SHISA9: variants seen among roughly 807,000 people sequenced by gnomAD.
The protein encoded by SHISA9 is protein shisa-9.
Under a neutral mutation model 38.0 loss-of-function variants are expected in SHISA9, and 13 were observed. The ratio of observed to expected loss-of-function variants is 0.34; its 90% confidence interval spans 0.22 to 0.54. The LOEUF (loss-of-function observed/expected upper bound fraction) is 0.54. Ranked by LOEUF, SHISA9 falls within the 20% of genes least tolerant of loss-of-function variation. SHISA9 has a pLI of 0.91. For missense variants in SHISA9, 538 were observed against 575.8 expected, an observed-to-expected ratio of 0.93 and a Z score of 0.67; for synonymous variants, 275 against 242.0, an observed-to-expected ratio of 1.14 and a Z score of -1.27.
chr16:13,092,850 G>A (rs983191162), intron 2 of SHISA9, among the ~76,000 whole-genome samples: 1 of 152,176 alleles, frequency 6.6e-6, no homozygotes, highest in African/African-American at 2.4e-5. Flanking sequence ...CAGTCCCAGT[G>A]AGACGAACCA....
intron 2 of SHISA9, among the ~76,000 whole-genome samples, chr16:13,117,771 C>G (rs2141974104): frequency 6.6e-6 from 1 of 152,298 alleles, no homozygotes; most frequent in African/African-American, 2.4e-5. Flanking sequence ...CTGTTTTAAG[C>G]CACTCAGTTT....
intron 2 of SHISA9, among the ~76,000 whole-genome samples, chr16:13,079,268 G>A (rs926388926): frequency 6.6e-6 from 1 of 152,100 alleles, no homozygotes; most frequent in Admixed American, 6.6e-5. Flanking sequence ...TTCTCACCAA[G>A]CTTCCATTTT....
At chr16:13,114,523 C>G (rs1035281345) in intron 2 of SHISA9, among the ~76,000 whole-genome samples, 6 of 150,708 alleles carry the variant, frequency 4.0e-5, no homozygotes, top group African/African-American at 1.5e-4. Context: ...AACAATCACC[C>G]AGGTCCCCAC....
At chr16:13,294,025 T>C in the SHISA9 span, among the ~76,000 whole-genome samples, 1 of 152,206 alleles carries the variant, frequency 6.6e-6, no homozygotes, top group Non-Finnish European at 1.5e-5. Flanking sequence ...GACCCCATCA[T>C]GTAAGTAAGC....
At chr16:13,059,926 C>T (rs564285848) in intron 2 of SHISA9, among the ~76,000 whole-genome samples, 7 of 152,154 alleles carry the variant, frequency 4.6e-5, no homozygotes, top group African/African-American at 1.7e-4. Flanking sequence ...CTTAGACTTT[C>T]CGACTCCAGA....
At chr16:13,430,749 A>C in the SHISA9 span, among the ~76,000 whole-genome samples, 51 of 151,424 alleles carry the variant, frequency 3.4e-4, no homozygotes, top group South Asian at 8.4e-4. Context: ...CTAAACAAAA[A>C]AAAAAAAAAT....
At chr16:13,052,501 CA>C (rs1219362404) in intron 2 of SHISA9, among the ~76,000 whole-genome samples, 2 of 152,130 alleles carry the variant, frequency 1.3e-5, no homozygotes, top group Non-Finnish European at 1.5e-5. Context: ...AGTCATGAAT[CA>C]ACCATGAATC....
the SHISA9 span, among the ~76,000 whole-genome samples, chr16:13,450,698 T>C: frequency 6.6e-6 from 1 of 152,218 alleles, no homozygotes; most frequent in African/African-American, 2.4e-5. Flanking sequence ...TCAGAGAAGG[T>C]CATGGAATTT....
chr16:13,070,623 G>C (rs767932457), intron 2 of SHISA9, among the ~76,000 whole-genome samples: 9 of 152,206 alleles, frequency 5.9e-5, no homozygotes, highest in Non-Finnish European at 1.3e-4. Context: ...GCAGGAGGCC[G>C]GGAAGTGGGG....
chr16:13,094,944 T>C (rs60766186), intron 2 of SHISA9, among the ~76,000 whole-genome samples: 3,203 of 152,324 alleles, frequency 0.021, 51 homozygotes, highest in Admixed American at 0.048. Flanking sequence ...GCAGCTACTA[T>C]AGTGCCTAGC....
chr16:13,020,084 T>C (rs1193197948), intron 2 of SHISA9, among the ~76,000 whole-genome samples: 1 of 147,924 alleles, frequency 6.8e-6, no homozygotes, highest in Non-Finnish European at 1.5e-5. Flanking sequence ...TGGAGTGCGG[T>C]GCCTTGATCT....
the SHISA9 span, among the ~76,000 whole-genome samples, chr16:13,507,313 G>A: frequency 6.6e-6 from 1 of 152,278 alleles, no homozygotes; most frequent in African/African-American, 2.4e-5. Context: ...CAGGGTATTA[G>A]TAGGAAGTTG....
intron 2 of SHISA9, among the ~76,000 whole-genome samples, chr16:13,027,356 C>G (rs1255275723): frequency 1.3e-5 from 2 of 152,080 alleles, no homozygotes; most frequent in African/African-American, 4.8e-5. Flanking sequence ...TAGAGGTGCC[C>G]CAAAGAGGCT....
chr16:12,934,971 C>T (rs1222685491), intron 2 of SHISA9, among the ~76,000 whole-genome samples: 4 of 152,168 alleles, frequency 2.6e-5, no homozygotes, highest in African/African-American at 9.6e-5. Flanking sequence ...CAGCTCCAAC[C>T]ATGGTCTTAT....
chr16:13,366,350 A>G, the SHISA9 span, among the ~76,000 whole-genome samples: 7 of 152,352 alleles, frequency 4.6e-5, no homozygotes, highest in African/African-American at 1.7e-4. Flanking sequence ...AAAGAATGCA[A>G]GCAAATGTGT....
intron 2 of SHISA9, among the ~76,000 whole-genome samples, chr16:13,162,664 A>G (rs1190067464): frequency 6.6e-6 from 1 of 152,212 alleles, no homozygotes; most frequent in Non-Finnish European, 1.5e-5. Flanking sequence ...GGACTTTATT[A>G]TAAGGCCATT....
At chr16:12,908,668 G>C (rs758916973) in intron 1 of SHISA9, 1 of 1,536,200 alleles carries the variant, frequency 6.5e-7, no homozygotes, top group Non-Finnish European at 8.8e-7. Flanking sequence ...AGAGAAGTAC[G>C]CGATGCCCTG....
chr16:12,929,979 A>G (rs1567342797), intron 2 of SHISA9, among the ~76,000 whole-genome samples: 1 of 152,116 alleles, frequency 6.6e-6, no homozygotes, highest in South Asian at 2.1e-4. Flanking sequence ...ACCTACAGAA[A>G]ATATCCCAGC....
At chr16:13,271,163 C>G in the SHISA9 span, among the ~76,000 whole-genome samples, 1 of 152,198 alleles carries the variant, frequency 6.6e-6, no homozygotes, top group African/African-American at 2.4e-5. Context: ...ATTTGGGCAA[C>G]TTTGACCAAG....
Sources: gnomAD v4.1 joint callset for allele counts (sites outside exome capture counted in the v4.1 genomes callset) on GRCh38, gnomAD v4.1.1 for gene constraint, MANE v1.5 for transcripts, NCBI Gene and HGNC (gene_info 2026-07-23, HGNC 2026-07-21) for gene names.